VTI1A: variants seen among roughly 807,000 people sequenced by gnomAD.
The protein encoded by VTI1A is vesicle transport through interaction with t-SNAREs 1A.
A neutral mutation model predicts 34.9 loss-of-function variants in VTI1A; 22 were observed. The observed-to-expected ratio is 0.63, with a 90% CI of 0.45 to 0.90. VTI1A has a LOEUF of 0.90. VTI1A is among the 40% of genes least tolerant of loss of function. The probability of loss-of-function intolerance (pLI) is 0.00; values close to 1 mark genes in which losing one functional copy is unlikely to be tolerated. For synonymous variants in VTI1A, 87 were observed against 97.3 expected (o/e 0.89, Z 0.62); for missense variants, 268 against 275.6 (o/e 0.97, Z 0.20).
intron 5 of VTI1A, among the ~76,000 whole-genome samples, chr10:112,658,082 T>A (rs1048247386): frequency 2.0e-5 from 3 of 152,032 alleles, no homozygotes; most frequent in African/African-American, 7.3e-5. Flanking sequence ...TTTGTTCTAT[T>A]ACTTTATTTA....
chr10:112,496,073 C>T (rs1470380827), intron 3 of VTI1A, among the ~76,000 whole-genome samples: 1 of 150,504 alleles, frequency 6.6e-6, no homozygotes, highest in African/African-American at 2.4e-5. Flanking sequence ...TAAAGCCTGA[C>T]TTGGCCAGGT....
At chr10:112,565,280 A>G (rs914534867) in intron 5 of VTI1A, among the ~76,000 whole-genome samples, 1 of 152,146 alleles carries the variant, frequency 6.6e-6, no homozygotes, top group Non-Finnish European at 1.5e-5. Flanking sequence ...AGAGATTACC[A>G]ACCACAATGT....
intron 5 of VTI1A, among the ~76,000 whole-genome samples, chr10:112,608,128 C>A (rs1259482575): frequency 1.3e-5 from 2 of 152,168 alleles, no homozygotes; most frequent in Non-Finnish European, 2.9e-5. Context: ...CTACTGTAAA[C>A]CCTTTCTGTG....
chr10:112,577,760 CAA>C (rs1193863331), intron 5 of VTI1A, among the ~76,000 whole-genome samples: 1 of 152,126 alleles, frequency 6.6e-6, no homozygotes, highest in East Asian at 1.9e-4. Flanking sequence ...ATAATTTAAT[CAA>C]AAATTGTATT....
chr10:112,472,139 G>C (rs1212224639), intron 3 of VTI1A, among the ~76,000 whole-genome samples: 1 of 152,200 alleles, frequency 6.6e-6, no homozygotes, highest in Non-Finnish European at 1.5e-5. Context: ...GACATACACA[G>C]AAGGATTTGG....
intron 5 of VTI1A, among the ~76,000 whole-genome samples, chr10:112,561,454 A>T (rs965067683): frequency 6.6e-6 from 1 of 152,198 alleles, no homozygotes; most frequent in Non-Finnish European, 1.5e-5. Context: ...TGGACTAGGG[A>T]CATTTACTTG....
chr10:112,605,683 C>T (rs980004334), intron 5 of VTI1A, among the ~76,000 whole-genome samples: 3 of 152,178 alleles, frequency 2.0e-5, no homozygotes, highest in Non-Finnish European at 2.9e-5. Flanking sequence ...TACCTACCCA[C>T]ATCCAGCCGC....
chr10:112,518,589 C>CTATATATA (rs34659243), intron 3 of VTI1A, among the ~76,000 whole-genome samples: 3 of 94,324 alleles, frequency 3.2e-5, no homozygotes, highest in African/African-American at 4.2e-5. Context: ...CTCTCTCTCT[C>CTATATATA]TATATATATA....
intron 7 of VTI1A, among the ~76,000 whole-genome samples, chr10:112,675,428 G>T (rs984778875): frequency 6.6e-6 from 1 of 152,146 alleles, no homozygotes; most frequent in Non-Finnish European, 1.5e-5. Flanking sequence ...CCTTCTGGGT[G>T]TGCAGACAGT....
At chr10:112,749,749 C>G (rs1335171016) in intron 7 of VTI1A, among the ~76,000 whole-genome samples, 1 of 152,134 alleles carries the variant, frequency 6.6e-6, no homozygotes, top group African/African-American at 2.4e-5. Flanking sequence ...TAGCTATGCT[C>G]TAGTTTGAAG....
At chr10:112,593,451 G>A (rs2134441034) in intron 5 of VTI1A, among the ~76,000 whole-genome samples, 1 of 152,242 alleles carries the variant, frequency 6.6e-6, no homozygotes, top group South Asian at 2.1e-4. Flanking sequence ...AGAGCATGTG[G>A]GTGTCAGTAG....
At chr10:112,456,440 AAGAG>A (rs1280212445) in intron 1 of VTI1A, among the ~76,000 whole-genome samples, 1 of 150,832 alleles carries the variant, frequency 6.6e-6, no homozygotes, top group Non-Finnish European at 1.5e-5. Context: ...AAAAAAAAAA[AAGAG>A]GAAACTGTAG....
intron 7 of VTI1A, among the ~76,000 whole-genome samples, chr10:112,782,961 G>T (rs1042928296): frequency 2.6e-5 from 4 of 152,080 alleles, no homozygotes; most frequent in African/African-American, 9.7e-5. Flanking sequence ...AATACCATCA[G>T]ATCGAAAGTG....
intron 5 of VTI1A, among the ~76,000 whole-genome samples, chr10:112,563,118 C>T (rs1564828124): frequency 6.6e-6 from 1 of 152,160 alleles, no homozygotes. Flanking sequence ...CACGTGTTTA[C>T]GGCTTAATTT....
At chr10:112,668,091 G>T (rs1294858036) in intron 5 of VTI1A, 127 bp from the exon 6 acceptor site, 3 of 647,098 alleles carry the variant, frequency 4.6e-6, no homozygotes, top group Non-Finnish European at 8.2e-6. Flanking sequence ...TACATGAATT[G>T]AAATATGTGT....
At chr10:112,501,206 T>A (rs560756533) in intron 3 of VTI1A, among the ~76,000 whole-genome samples, 1 of 152,218 alleles carries the variant, frequency 6.6e-6, no homozygotes, top group Non-Finnish European at 1.5e-5. Context: ...TAGAACCCTA[T>A]ATCTGTAGTC....
chr10:112,577,459 G>A (rs1347273038), intron 5 of VTI1A, among the ~76,000 whole-genome samples: 3 of 152,096 alleles, frequency 2.0e-5, no homozygotes, highest in African/African-American at 4.8e-5. Context: ...GCACTCTTTG[G>A]TAAACAGTTA....
At chr10:112,614,270 CA>C (rs1845432926) in intron 5 of VTI1A, among the ~76,000 whole-genome samples, 2 of 152,166 alleles carry the variant, frequency 1.3e-5, no homozygotes, top group Admixed American at 1.3e-4. Context: ...CTGGCATTAT[CA>C]AATGTTGAAG....
chr10:112,478,010 C>G (rs1848334093), intron 3 of VTI1A, among the ~76,000 whole-genome samples: 1 of 152,108 alleles, frequency 6.6e-6, no homozygotes, highest in Non-Finnish European at 1.5e-5. Flanking sequence ...ATTTTAGTTT[C>G]AGTGAAGTTT....
Sources: gnomAD v4.1 joint callset for allele counts (sites outside exome capture counted in the v4.1 genomes callset) on GRCh38, gnomAD v4.1.1 for gene constraint, MANE v1.5 for transcripts, NCBI Gene and HGNC (gene_info 2026-07-23, HGNC 2026-07-21) for gene names.